The following GLYATL2 variants were observed in gnomAD, a reference collection of about 807,000 sequenced individuals.
The protein encoded by GLYATL2 is glycine-N-acyltransferase like 2, also known as glycine N-acyltransferase-like protein 2.
In GLYATL2, 25 loss-of-function variants were observed where a neutral mutation model predicts 21.4. The ratio of observed to expected loss-of-function variants is 1.17; its 90% CI spans 0.85 to 1.63. The LOEUF (loss-of-function observed/expected upper bound fraction) is 1.63. Among genes scored for constraint, GLYATL2 ranks in the 40% most tolerant of loss-of-function variants. The pLI, the probability that GLYATL2 is intolerant of heterozygous loss-of-function variation, is 0.00. For synonymous variants in GLYATL2, 114 were observed against 118.2 expected (o/e 0.96, Z 0.23); for missense variants, 361 against 343.3 (o/e 1.05, Z -0.41).
At chr11:58,880,601 A>G (rs1854315677) in intron 1 of GLYATL2, among the ~76,000 whole-genome samples, 1 of 152,208 alleles carries the variant, frequency 6.6e-6, no homozygotes, top group African/African-American at 2.4e-5. Context: ...TAGTTAAATC[A>G]GGTGAGAAAC....
At chr11:58,909,289 A>G in the GLYATL2 span, among the ~76,000 whole-genome samples, 503 of 152,340 alleles carry the variant, frequency 3.3e-3, 5 homozygotes, top group African/African-American at 0.011. Context: ...TTCCTTATAC[A>G]AGGTGAATAA....
At chr11:58,907,108 G>C (rs1420448968), upstream of GLYATL2, 3 of 353,806 alleles carry the variant, frequency 8.5e-6, no homozygotes, top group African/African-American at 6.4e-5. Flanking sequence ...CACCATAATA[G>C]TTTTAGGGTG....
intron 1 of GLYATL2, among the ~76,000 whole-genome samples, chr11:58,869,665 T>TA (rs1223073350): frequency 6.6e-6 from 1 of 152,220 alleles, no homozygotes; most frequent in African/African-American, 2.4e-5. Flanking sequence ...CAAATTGGCT[T>TA]AAAAATAAAA....
intron 1 of GLYATL2, among the ~76,000 whole-genome samples, chr11:58,871,405 G>A (rs528769388): frequency 6.6e-6 from 1 of 151,422 alleles, no homozygotes; most frequent in South Asian, 2.1e-4. Flanking sequence ...TTTAGCATTA[G>A]GTATATCACC....
intron 1 of GLYATL2, among the ~76,000 whole-genome samples, chr11:58,874,398 T>C (rs188318841): frequency 2.0e-5 from 3 of 152,366 alleles, no homozygotes; most frequent in African/African-American, 7.2e-5. Context: ...CAATTTTTGA[T>C]CTTTCCTGCT....
intron 1 of GLYATL2, among the ~76,000 whole-genome samples, chr11:58,884,020 C>A (rs992471392): frequency 1.3e-5 from 2 of 152,154 alleles, no homozygotes; most frequent in African/African-American, 4.8e-5. Context: ...TTCAACAGTC[C>A]TTCACGCTAA....
chr11:58,840,425 G>A (rs1853525853), intron 1 of GLYATL2, among the ~76,000 whole-genome samples: 1 of 152,096 alleles, frequency 6.6e-6, no homozygotes, highest in Non-Finnish European at 1.5e-5. Flanking sequence ...TAATGATGGT[G>A]TATCCAAATA....
At chr11:58,873,045 C>CA (rs1854155102) in intron 1 of GLYATL2, among the ~76,000 whole-genome samples, 1 of 151,742 alleles carries the variant, frequency 6.6e-6, no homozygotes, top group African/African-American at 2.4e-5. Flanking sequence ...CTCTTTGAAG[C>CA]AATTGTGAAT....
intron 1 of GLYATL2, among the ~76,000 whole-genome samples, chr11:58,903,527 T>C (rs1012160091): frequency 4.6e-5 from 7 of 151,816 alleles, no homozygotes; most frequent in African/African-American, 1.7e-4. Flanking sequence ...ACAAAAAGTA[T>C]CCGGGCGTGG....
In GLYATL2 at chr11:58,894,918, T is replaced by C. The variant is rs148409488; in HGVS notation, n.60+9238A>G. On this transcript the variant is annotated intron_variant and non_coding_transcript_variant, in intron 1 of 4. Transcript: ENST00000533636. ...AAATAAACTCGGGAACTTGGGGTAA[T>C]GTGAAAACAGCTATATTTTTCACTC... is the stretch of plus-strand genomic sequence containing the variant. Among the ~76,000 whole-genome samples, 1,320 of 151,964 alleles carry C rather than the reference T, an allele frequency of 8.7e-3. 18 individuals carry two copies. Among genetic ancestry groups the C allele is most frequent in the African/African-American group, 0.03 (1,261 of 41,460 alleles).
chr11:58,897,535 C>A (rs1015501522), intron 1 of GLYATL2, among the ~76,000 whole-genome samples: 1 of 152,024 alleles, frequency 6.6e-6, no homozygotes, highest in East Asian at 1.9e-4. Context: ...GGCTTCCCAC[C>A]TGCCCCAACC....
upstream of GLYATL2, chr11:58,905,720 A>G: frequency 1.2e-5 from 2 of 165,180 alleles, no homozygotes; most frequent in South Asian, 5.2e-5. Context: ...TGGGACCGGG[A>G]TGGGTCATCT....
upstream of GLYATL2, among the ~76,000 whole-genome samples, chr11:58,905,819 A>C (rs1335168462): frequency 2.0e-5 from 3 of 152,154 alleles, no homozygotes; most frequent in Non-Finnish European, 4.4e-5. Flanking sequence ...CCAGGCGTGC[A>C]CTCTCATCCC....
intron 1 of GLYATL2, among the ~76,000 whole-genome samples, chr11:58,887,418 T>A (rs1281401126): frequency 6.6e-6 from 1 of 152,122 alleles, no homozygotes; most frequent in Admixed American, 6.6e-5. Context: ...AAAAGTAACT[T>A]TTTCTTAATT....
intron 5 of GLYATL2, among the ~76,000 whole-genome samples, chr11:58,835,217 T>C (rs765075412): frequency 1.8e-4 from 27 of 152,194 alleles, no homozygotes; most frequent in Non-Finnish European, 3.4e-4. Flanking sequence ...GCATTTTGAG[T>C]TCTGCATCAC....
upstream of GLYATL2, among the ~76,000 whole-genome samples, chr11:58,848,511 A>C (rs922986524): frequency 1.3e-5 from 2 of 152,240 alleles, no homozygotes; most frequent in Non-Finnish European, 2.9e-5. Context: ...AGATTGAAAT[A>C]GTTAAAAAGA....
In GLYATL2 at chr11:58,834,176, T is replaced by G; in HGVS notation, c.*253A>C. 1 of 327,938 alleles carries G rather than the reference T, an allele frequency of 3.0e-6. No individual in the cohort carries two copies. Among genetic ancestry groups the G allele is most frequent in the Non-Finnish European group, 5.5e-6 (1 of 182,020 alleles). The allele number at this position is 327,938 out of a possible 1,614,324, so 20.3% of individuals were successfully genotyped here. A position where few individuals can be genotyped will look rare whatever the true frequency, so the allele number is the denominator to read the frequency against. ...TGCCGTTAAAGGGTTATCTTGGCAC[T>G]AATGATTGGCTTTGGGTGATTTTAA... On this transcript the variant is annotated 3_prime_UTR_variant, in exon 6 of 6. Coordinates refer to ENST00000287275, the MANE Select transcript of GLYATL2 (RefSeq NM_145016.4).
upstream of GLYATL2, among the ~76,000 whole-genome samples, chr11:58,847,694 T>C (rs1181970238): frequency 6.6e-6 from 1 of 152,240 alleles, no homozygotes; most frequent in East Asian, 1.9e-4. Flanking sequence ...GGTAGCCCTC[T>C]AATGTTTTTG....
chr11:58,885,309 A>G (rs934619601), intron 1 of GLYATL2: 1 of 254,444 alleles, frequency 3.9e-6, no homozygotes. Context: ...GATGCTGCTC[A>G]TCTCACCATT....
Sources: allele counts gnomAD v4.1 joint callset (sites outside exome capture counted in the v4.1 genomes callset), GRCh38; gene constraint gnomAD v4.1.1; transcripts MANE v1.5; gene names NCBI Gene and HGNC (gene_info 2026-07-23, HGNC 2026-07-21).